LRP1B: variants seen among roughly 807,000 people sequenced by gnomAD.
LRP1B encodes LDL receptor related protein 1B.
In LRP1B, 217 loss-of-function variants were observed where a neutral mutation model predicts 556.6. The ratio of observed to expected loss-of-function variants is 0.39; its 90% CI spans 0.35 to 0.44. LRP1B has a LOEUF of 0.44. Among genes scored for constraint, LRP1B ranks in the 20% least tolerant of loss-of-function variants. The pLI, the probability that LRP1B is intolerant of heterozygous loss-of-function variation, is 1.00. For synonymous variants in LRP1B, 2,047 were observed against 1,865.8 expected (o/e 1.10, Z -2.50); for missense variants, 5,053 against 5,620.8 (o/e 0.90, Z 3.23).
intron 5 of LRP1B, among the ~76,000 whole-genome samples, chr2:141,238,387 G>C (rs2105311381): frequency 6.6e-6 from 1 of 152,206 alleles, no homozygotes; most frequent in African/African-American, 2.4e-5. Flanking sequence ...TATTTATAAA[G>C]TAATTTCAGT....
At chr2:141,420,560 C>T (rs528158410) in intron 3 of LRP1B, among the ~76,000 whole-genome samples, 1 of 152,332 alleles carries the variant, frequency 6.6e-6, no homozygotes, top group Admixed American at 6.5e-5. Context: ...CTCTGCTCTT[C>T]CTTGTTCTTG....
At chr2:141,027,767 G>A (rs978687658) in intron 11 of LRP1B, among the ~76,000 whole-genome samples, 5 of 152,082 alleles carry the variant, frequency 3.3e-5, no homozygotes, top group Admixed American at 1.3e-4. Flanking sequence ...AATATTTGGG[G>A]GTAATTAGTT....
At chr2:140,536,042 C>G (rs889755574) in intron 46 of LRP1B, among the ~76,000 whole-genome samples, 1 of 151,890 alleles carries the variant, frequency 6.6e-6, no homozygotes, top group South Asian at 2.1e-4. Context: ...CTGTCCATAT[C>G]CAAAAATCAC....
intron 7 of LRP1B, among the ~76,000 whole-genome samples, chr2:141,087,048 C>T (rs571667434): frequency 1.3e-4 from 20 of 152,178 alleles, no homozygotes; most frequent in African/African-American, 1.9e-4. Flanking sequence ...AGGCCTGTGG[C>T]GGCAGCAATG....
chr2:140,563,971 T>G (rs1368185656), intron 43 of LRP1B, among the ~76,000 whole-genome samples: 2 of 152,162 alleles, frequency 1.3e-5, no homozygotes, highest in Non-Finnish European at 2.9e-5. Flanking sequence ...GCAAGCCCTA[T>G]GGGAGGGAGG....
chr2:141,988,768 C>T (rs2105110782), intron 1 of LRP1B, among the ~76,000 whole-genome samples: 1 of 152,032 alleles, frequency 6.6e-6, no homozygotes, highest in East Asian at 1.9e-4. Context: ...ATAATTTTAC[C>T]TAGGTATATT....
intron 1 of LRP1B, among the ~76,000 whole-genome samples, chr2:141,820,011 T>C (rs1696702084): frequency 6.6e-6 from 1 of 152,164 alleles, no homozygotes; most frequent in Non-Finnish European, 1.5e-5. Flanking sequence ...TTCAGGATGA[T>C]AAATAGCTTT....
intron 43 of LRP1B, among the ~76,000 whole-genome samples, chr2:140,576,454 G>A (rs72894751): frequency 6.6e-6 from 1 of 152,280 alleles, no homozygotes; most frequent in Non-Finnish European, 1.5e-5. Context: ...TCAGAACGTA[G>A]TTACTCAGAC....
chr2:140,270,469 A>C, intron 85 of LRP1B, 123 bp from the exon 86 acceptor site: 1 of 621,014 alleles, frequency 1.6e-6, no homozygotes, highest in South Asian at 2.2e-5. Flanking sequence ...TGGCTGGTTA[A>C]AAGGAAGTTT....
At chr2:141,804,796 T>G (rs1021935477) in intron 2 of LRP1B, among the ~76,000 whole-genome samples, 3 of 152,044 alleles carry the variant, frequency 2.0e-5, no homozygotes, top group Non-Finnish European at 4.4e-5. Context: ...GGTACTACCA[T>G]TTCCATTGTA....
intron 48 of LRP1B, 83 bp downstream of exon 48, chr2:140,526,154 G>C: frequency 1.4e-6 from 2 of 1,432,544 alleles, no homozygotes; most frequent in Non-Finnish European, 9.8e-7. Flanking sequence ...TTTGGACAAA[G>C]TTCAGTAAAA....
chr2:142,091,570 ATTG>A (rs1559066399), intron 1 of LRP1B, among the ~76,000 whole-genome samples: 1 of 152,128 alleles, frequency 6.6e-6, no homozygotes. Context: ...CAAATATGCA[ATTG>A]TTAACTATAA....
At chr2:140,525,802 T>G (rs368176140) in intron 49 of LRP1B, 42 bp downstream of exon 49, 1 of 1,585,756 alleles carries the variant, frequency 6.3e-7, no homozygotes. Context: ...AGCCTCAAAA[T>G]CTCCAAGGCA....
intron 36 of LRP1B, 122 bp downstream of exon 36, chr2:140,716,559 AC>A: frequency 1.1e-6 from 1 of 938,712 alleles, no homozygotes; most frequent in Non-Finnish European, 1.5e-6. Context: ...GAGACTATTT[AC>A]CCCTGTGGCT....
chr2:141,571,304 A>C lies in LRP1B; in HGVS notation c.206-90771T>G, dbSNP rs143258577. On this transcript the variant is annotated intron_variant, in intron 2 of 90. Transcript: ENST00000389484. ...CTGAAGTGAACCCCCAGCAAACTGC[A>C]GCAGCCCTACAGAAGAGGAGGCCTA... Among the ~76,000 whole-genome samples, 265 of 150,948 alleles carry C rather than the reference A, an allele frequency of 1.8e-3. 3 individuals are homozygous for C. Among genetic ancestry groups the C allele is most frequent in the African/African-American group, 6.1e-3 (254 of 41,446 alleles).
intron 83 of LRP1B, 100 bp from the exon 84 acceptor site, chr2:140,298,069 G>A (rs1369315722): frequency 1.0e-5 from 11 of 1,079,986 alleles, no homozygotes; most frequent in African/African-American, 1.6e-5. Context: ...CAGGTTTCTG[G>A]TCAAGGTCTG....
At chr2:141,229,847 A>C (rs1683392055) in intron 5 of LRP1B, among the ~76,000 whole-genome samples, 1 of 152,192 alleles carries the variant, frequency 6.6e-6, no homozygotes, top group Admixed American at 6.5e-5. Context: ...GATCAGAAAT[A>C]GATTCTCCGG....
At position 140,287,620 on chromosome 2, in the gene LRP1B, A is replaced by G. The variant is rs116396194; in HGVS notation, c.12967+10188T>C. On this transcript the variant is annotated intron_variant, in intron 84 of 90. Coordinates refer to ENST00000389484, the MANE Select transcript of LRP1B (RefSeq NM_018557.3). ...ATTATTACCATGGGTTTAGACATGG[A>G]TCTTCAAGGGATATTGCAAGTAAAA... Among the ~76,000 whole-genome samples the G allele has an allele frequency of 2.9e-3, 425 of 147,846 alleles. 3 individuals are homozygous for G. The highest frequency in any genetic ancestry group is 9.7e-3 in the African/African-American group (396 of 40,646).
chr2:140,352,040 T>A lies in LRP1B; in HGVS notation c.11650+913A>T, dbSNP rs369034992. Among the ~76,000 whole-genome samples, 125 of 152,244 alleles carry A rather than the reference T, an allele frequency of 8.2e-4. No individual in the cohort carries two copies. In the South Asian group the frequency reaches 0.025, roughly 30 times the overall value. Reference sequence around the variant, plus strand: ...TCCTGTTTTCTTCTTGTAATAACAATCTTAATAATGTCCAATCATACTTTG... The same window carrying A: ...TCCTGTTTTCTTCTTGTAATAACAAACTTAATAATGTCCAATCATACTTTG... On this transcript the variant is annotated intron_variant, in intron 76 of 90. Coordinates refer to ENST00000389484, the MANE Select transcript of LRP1B (RefSeq NM_018557.3).
Sources: allele counts gnomAD v4.1 joint callset (sites outside exome capture counted in the v4.1 genomes callset), GRCh38; gene constraint gnomAD v4.1.1; transcripts MANE v1.5; gene names NCBI Gene and HGNC (gene_info 2026-07-23, HGNC 2026-07-21).